Variants in TARBP1 observed in about 807,000 individuals in gnomAD.
The protein encoded by TARBP1 is tRNA (guanosine(18)-2'-O)-methyltransferase TARBP1.
A neutral mutation model predicts 178.6 loss-of-function variants in TARBP1; 144 were observed. That is an observed-to-expected ratio of 0.81 (90% CI 0.70 to 0.93). TARBP1 has a LOEUF of 0.93. Ranked by LOEUF, TARBP1 falls within the 40% of genes least tolerant of loss-of-function variation. The pLI is 0.00. For synonymous variants in TARBP1, 787 were observed against 781.0 expected (o/e 1.01, Z -0.13); for missense variants, 2,067 against 2,011.7 (o/e 1.03, Z -0.53).
chr1:234,475,690 C>A (rs1669506247), intron 1 of TARBP1, among the ~76,000 whole-genome samples: 1 of 152,210 alleles, frequency 6.6e-6, no homozygotes, highest in Non-Finnish European at 1.5e-5. Flanking sequence ...TACAAGGCTG[C>A]AGTGGAAGAA....
At chr1:234,451,766 A>AAAAAAAAAACAAAAAAAACAAAAAAAC (rs57636903) in intron 9 of TARBP1, among the ~76,000 whole-genome samples, 1 of 17,166 alleles carries the variant, frequency 5.8e-5, no homozygotes, top group East Asian at 8.1e-3. Context: ...AAAAAAAAAA[A>AAAAAAAAAACAAAAAAAACAAAAAAAC]TGATGAATGA....
rs935439670 is a variant in TARBP1, at chr1:234,465,798, A to T, written c.1249-90T>A. On this transcript the variant is annotated intron_variant, in intron 4 of 29. Transcript: ENST00000040877. The stretch of plus-strand genomic sequence containing the variant: ...GTTTCCCTGATTGAACATCCTACAC[A>T]GGCTTACAGAAGACCTGCTATAAGC... 5 of 1,217,548 alleles carry T rather than the reference A, an allele frequency of 4.1e-6. No homozygotes were observed. The Admixed American group carries it at 1.2e-4, about 29-fold the overall frequency. The allele number at this position is 1,217,548 out of a possible 1,614,324, so 75.4% of individuals were successfully genotyped here.
At chr1:234,449,383 G>A (rs1246823388) in intron 10 of TARBP1, among the ~76,000 whole-genome samples, 1 of 152,194 alleles carries the variant, frequency 6.6e-6, no homozygotes, top group Non-Finnish European at 1.5e-5. Flanking sequence ...AGCAAGAGTA[G>A]ATGCAAGGTA....
intron 12 of TARBP1, among the ~76,000 whole-genome samples, chr1:234,446,223 G>A (rs1034877727): frequency 6.6e-6 from 1 of 152,174 alleles, no homozygotes; most frequent in African/African-American, 2.4e-5. Flanking sequence ...CATCTCTGAT[G>A]TCTACGGGTT....
intron 28 of TARBP1, chr1:234,392,872 G>A (rs534701154): frequency 2.1e-4 from 36 of 170,650 alleles, no homozygotes; most frequent in African/African-American, 8.1e-4. Context: ...CACCACGCCC[G>A]GCTAATTTTT....
At chr1:234,423,870 G>A (rs902962743) in intron 20 of TARBP1, among the ~76,000 whole-genome samples, 13 of 151,456 alleles carry the variant, frequency 8.6e-5, no homozygotes, top group African/African-American at 1.9e-4. Context: ...GATTACAGGC[G>A]TGAGCCACCA....
chr1:234,413,750 A>T (rs1662113523), intron 22 of TARBP1, among the ~76,000 whole-genome samples: 1 of 152,170 alleles, frequency 6.6e-6, no homozygotes, highest in South Asian at 2.1e-4. Context: ...TGGAAAGCAG[A>T]TGGAAACAGA....
intron 1 of TARBP1, 136 bp downstream of exon 1, chr1:234,478,037 G>A (rs1669729494): frequency 3.6e-6 from 3 of 825,344 alleles, no homozygotes; most frequent in Non-Finnish European, 5.6e-6. Context: ...CAGGCTTTAG[G>A]GGAGCAACGC....
At chr1:234,409,341 C>T (rs915848339) in intron 23 of TARBP1, among the ~76,000 whole-genome samples, 2 of 152,180 alleles carry the variant, frequency 1.3e-5, no homozygotes, top group Admixed American at 6.5e-5. Flanking sequence ...AAGGTAAATT[C>T]GTTTTCAGAA....
intron 8 of TARBP1, 75 bp downstream of exon 8, chr1:234,459,155 G>T: frequency 9.4e-7 from 1 of 1,065,142 alleles, no homozygotes; most frequent in Non-Finnish European, 1.4e-6. Context: ...TCACAGGTCT[G>T]CTATGTTAAC....
Position 234,391,483 on chromosome 1 carries a change from T to C in TARBP1, c.*94A>G. On this transcript the variant is annotated 3_prime_UTR_variant, in exon 30 of 30. Coordinates refer to ENST00000040877, the MANE Select transcript of TARBP1 (RefSeq NM_005646.4). The stretch of plus-strand genomic sequence containing the variant: ...AATTGCAAGAAAAAAGAAATACAAA[T>C]TATCACAATAAATTTCAGAATCTGT... 7.5e-7 allele frequency: 1 copy of C among 1,339,190 alleles called. No individual in the cohort carries two copies. Among genetic ancestry groups the C allele is most frequent in the Non-Finnish European group, 9.9e-7 (1 of 1,007,612 alleles). 83.0% of individuals were successfully genotyped at this position (1,339,190 alleles called of 1,614,324 possible). A position where few individuals can be genotyped will look rare whatever the true frequency, so the allele number is the denominator to read the frequency against.
chr1:234,450,578 AAC>A lies in TARBP1; in HGVS notation c.1723-14_1723-13del, dbSNP rs1405396564. On this transcript the variant is annotated splice_polypyrimidine_tract_variant and intron_variant, in intron 9 of 29. Coordinates refer to ENST00000040877, the MANE Select transcript of TARBP1 (RefSeq NM_005646.4). ...AGCCAGTCACACAGCTGGAAAAGAA[AAC>A]AGTTATTACTTTATTTTAAAAACCT... 8 of 1,606,244 alleles carry A rather than the reference AAC, an allele frequency of 5.0e-6. No homozygotes were observed. Among genetic ancestry groups the A allele is most frequent in the South Asian group, 1.1e-5 (1 of 88,926 alleles).
intron 22 of TARBP1, 137 bp downstream of exon 22, chr1:234,417,947 T>C: frequency 2.2e-6 from 1 of 454,878 alleles, no homozygotes; most frequent in Non-Finnish European, 3.6e-6. Context: ...AATTCAGATC[T>C]TGCAAAACAT....
At chr1:234,457,258 C>A (rs1667372753) in intron 9 of TARBP1, among the ~76,000 whole-genome samples, 1 of 152,106 alleles carries the variant, frequency 6.6e-6, no homozygotes, top group African/African-American at 2.4e-5. Flanking sequence ...AAAGTCAGGA[C>A]AAACTCAGAA....
At chr1:234,458,029 T>G (rs1267147766) in intron 8 of TARBP1, among the ~76,000 whole-genome samples, 1 of 151,434 alleles carries the variant, frequency 6.6e-6, no homozygotes, top group Non-Finnish European at 1.5e-5. Flanking sequence ...AACACCATTC[T>G]ATAAGAAGAA....
intron 3 of TARBP1, among the ~76,000 whole-genome samples, chr1:234,469,320 T>C (rs968422292): frequency 2.0e-5 from 3 of 152,266 alleles, no homozygotes; most frequent in African/African-American, 7.2e-5. Context: ...CCATTATTTG[T>C]AATTTACACC....
intron 5 of TARBP1, 141 bp downstream of exon 5, chr1:234,465,515 A>G: frequency 1.5e-6 from 1 of 670,280 alleles, no homozygotes; most frequent in Non-Finnish European, 2.4e-6. Flanking sequence ...AATAACAGAT[A>G]GAAAAAGGAC....
intron 22 of TARBP1, among the ~76,000 whole-genome samples, chr1:234,413,281 G>A (rs1036895150): frequency 1.3e-5 from 2 of 152,168 alleles, no homozygotes; most frequent in African/African-American, 2.4e-5. Flanking sequence ...GGAGGCCAAG[G>A]CGACATGGTG....
intron 12 of TARBP1, among the ~76,000 whole-genome samples, chr1:234,440,865 A>G (rs531949649): frequency 3.9e-5 from 6 of 152,272 alleles, no homozygotes; most frequent in East Asian, 3.9e-4. Context: ...AAAACTGATG[A>G]AAAAAATCAC....
Sources: allele counts gnomAD v4.1 joint callset (sites outside exome capture counted in the v4.1 genomes callset), GRCh38; gene constraint gnomAD v4.1.1; transcripts MANE v1.5; gene names NCBI Gene and HGNC (gene_info 2026-07-23, HGNC 2026-07-21).